ANKRD30BL: variants seen among roughly 807,000 people sequenced by gnomAD.
The protein encoded by ANKRD30BL is putative ankyrin repeat domain-containing protein 30B-like.
In ANKRD30BL, 20 loss-of-function variants were observed where a neutral mutation model predicts 18.4. The ratio of observed to expected loss-of-function variants is 1.09; its 90% CI spans 0.77 to 1.58. The LOEUF is 1.58. ANKRD30BL is among the 40% of genes most tolerant of loss of function. The pLI is 0.00. For synonymous variants in ANKRD30BL, 72 were observed against 100.9 expected, an observed-to-expected ratio of 0.71 and a Z score of 1.72; for missense variants, 224 against 268.6, an observed-to-expected ratio of 0.83 and a Z score of 1.16.
intron 1 of ANKRD30BL, among the ~76,000 whole-genome samples, chr2:132,185,340 C>G (rs550167491): frequency 6.6e-6 from 1 of 152,170 alleles, no homozygotes; most frequent in Non-Finnish European, 1.5e-5. Flanking sequence ...CCTACCTGAC[C>G]ATCGCCTGGC....
intron 3 of ANKRD30BL, chr2:132,154,996 A>T: frequency 2.7e-6 from 1 of 363,650 alleles, no homozygotes; most frequent in Non-Finnish European, 5.0e-6. Context: ...ATTATATTGT[A>T]ATGATTTTAT....
At chr2:132,231,539 G>A (rs1680013707) in intron 1 of ANKRD30BL, among the ~76,000 whole-genome samples, 1 of 152,206 alleles carries the variant, frequency 6.6e-6, no homozygotes. Flanking sequence ...AGCACAAGGG[G>A]TCAGGGAGTT....
At chr2:132,245,809 G>A (rs1680483484) in intron 1 of ANKRD30BL, among the ~76,000 whole-genome samples, 1 of 151,444 alleles carries the variant, frequency 6.6e-6, no homozygotes, top group Non-Finnish European at 1.5e-5. Flanking sequence ...CTAGACAGAA[G>A]CATTCTCAGA....
At chr2:132,154,432 T>G (rs1687845950) in intron 4 of ANKRD30BL, among the ~76,000 whole-genome samples, 1 of 152,232 alleles carries the variant, frequency 6.6e-6, no homozygotes. Context: ...AACATCAGAT[T>G]AAAAATAAGA....
chr2:132,212,099 A>C (rs566581031), intron 1 of ANKRD30BL, among the ~76,000 whole-genome samples: 10 of 152,040 alleles, frequency 6.6e-5, no homozygotes, highest in African/African-American at 2.4e-4. Context: ...AACTAGACAG[A>C]GGCATTTTGA....
In ANKRD30BL at chr2:132,203,931, AT is replaced by A. The variant is rs970450774; in HGVS notation, n.442-46786del. Among the ~76,000 whole-genome samples, 31 of 140,806 alleles carry A rather than the reference AT, an allele frequency of 2.2e-4. 1 individual carries two copies. Among genetic ancestry groups the A allele is most frequent in the African/African-American group, 8.4e-4 (30 of 35,548 alleles). The allele number at this position is 140,806 out of a possible 152,430, so 92.4% of individuals were successfully genotyped here. ...TAATCTTGTACTTTCAACATTGAAG[AT>A]TTTTTTCACATATTGATACCAATCA... On this transcript the variant is annotated intron_variant and non_coding_transcript_variant, in intron 1 of 4. Coordinates refer to the ANKRD30BL transcript ENST00000470729.
chr2:132,239,940 A>G (rs1420750678), intron 1 of ANKRD30BL, among the ~76,000 whole-genome samples: 2 of 152,000 alleles, frequency 1.3e-5, no homozygotes, highest in African/African-American at 2.4e-5. Context: ...GCAAGTGGAC[A>G]TTTGGATAGC....
intron 1 of ANKRD30BL, among the ~76,000 whole-genome samples, chr2:132,254,661 G>A (rs1156882722): frequency 6.6e-5 from 10 of 152,226 alleles, no homozygotes; most frequent in Non-Finnish European, 1.0e-4. Context: ...GTAGGCACAC[G>A]CTGAGCCAGT....
At chr2:132,177,751 T>A (rs1688391156) in intron 1 of ANKRD30BL, among the ~76,000 whole-genome samples, 1 of 152,184 alleles carries the variant, frequency 6.6e-6, no homozygotes, top group African/African-American at 2.4e-5. Context: ...ATGTGTGAGG[T>A]CAACATGAGG....
intron 1 of ANKRD30BL, among the ~76,000 whole-genome samples, chr2:132,159,746 T>C (rs1170212281): frequency 6.6e-6 from 1 of 152,188 alleles, no homozygotes; most frequent in East Asian, 1.9e-4. Flanking sequence ...TACAGTTTAA[T>C]TTAATTTTGT....
At chr2:132,188,696 C>A (rs1424929010) in intron 1 of ANKRD30BL, among the ~76,000 whole-genome samples, 1 of 150,938 alleles carries the variant, frequency 6.6e-6, no homozygotes, top group Non-Finnish European at 1.5e-5. Context: ...GGTGATAGAG[C>A]GAGCCTCTGT....
At chr2:132,248,142 C>A (rs1680551170) in intron 1 of ANKRD30BL, among the ~76,000 whole-genome samples, 1 of 152,012 alleles carries the variant, frequency 6.6e-6, no homozygotes, top group Non-Finnish European at 1.5e-5. Flanking sequence ...CAGAAATATC[C>A]CGTTGCAGAT....
chr2:132,230,377 C>A (rs1277166530), intron 1 of ANKRD30BL, among the ~76,000 whole-genome samples: 1 of 151,744 alleles, frequency 6.6e-6, no homozygotes, highest in African/African-American at 2.4e-5. Context: ...CAGAGTTGAA[C>A]TTTCCTTTGA....
At chr2:132,214,607 T>C (rs543221837) in intron 1 of ANKRD30BL, among the ~76,000 whole-genome samples, 70 of 152,080 alleles carry the variant, frequency 4.6e-4, no homozygotes, top group African/African-American at 1.6e-3. Context: ...GAAACACCCT[T>C]TTTGTACTAT....
intron 1 of ANKRD30BL, among the ~76,000 whole-genome samples, chr2:132,210,757 TG>T (rs1254713283): frequency 1.3e-5 from 2 of 151,796 alleles, no homozygotes; most frequent in Non-Finnish European, 2.9e-5. Context: ...TTCTTTCTGA[TG>T]TGTGCATTCA....
At chr2:132,190,789 A>AT (rs922499195) in intron 1 of ANKRD30BL, among the ~76,000 whole-genome samples, 5 of 152,160 alleles carry the variant, frequency 3.3e-5, no homozygotes, top group African/African-American at 7.2e-5. Flanking sequence ...GCAGATGCAG[A>AT]TTTTTTTGTT....
At chr2:132,159,123 AAC>A (rs59869538) in intron 1 of ANKRD30BL, among the ~76,000 whole-genome samples, 13,943 of 152,100 alleles carry the variant, frequency 0.092, 1,420 homozygotes, top group African/African-American at 0.24. Context: ...AACTTCAGAT[AAC>A]ACAAGACTGT....
chr2:132,189,141 C>G (rs977000620), intron 1 of ANKRD30BL, among the ~76,000 whole-genome samples: 2 of 152,162 alleles, frequency 1.3e-5, no homozygotes, highest in Non-Finnish European at 2.9e-5. Flanking sequence ...AGTTGATTCA[C>G]AGTAGAACAA....
intron 1 of ANKRD30BL, among the ~76,000 whole-genome samples, chr2:132,228,657 A>C (rs1000394570): frequency 3.2e-4 from 48 of 150,450 alleles, no homozygotes; most frequent in Non-Finnish European, 5.3e-4. Context: ...GTGTGCTTAC[A>C]TCTCACAGAG....
Sources: gnomAD v4.1 joint callset for allele counts (sites outside exome capture counted in the v4.1 genomes callset) on GRCh38, gnomAD v4.1.1 for gene constraint, MANE v1.5 for transcripts, NCBI Gene and HGNC (gene_info 2026-07-23, HGNC 2026-07-21) for gene names.